RNF125: variants seen among roughly 807,000 people sequenced by gnomAD.
RNF125 encodes E3 ubiquitin-protein ligase RNF125.
A neutral mutation model predicts 26.0 loss-of-function variants in RNF125; 21 were observed. The observed-to-expected ratio is 0.81, with a 90% CI of 0.57 to 1.16. The LOEUF is 1.16. RNF125 is among the 50% of genes most tolerant of loss of function. RNF125 has a pLI of 0.00. For missense variants in RNF125, 270 were observed against 299.4 expected (o/e 0.90, Z 0.72); for synonymous variants, 95 against 109.2 (o/e 0.87, Z 0.81).
At chr18:32,067,725 A>T (rs1221552691) in intron 5 of RNF125, among the ~76,000 whole-genome samples, 1 of 152,138 alleles carries the variant, frequency 6.6e-6, no homozygotes, top group Non-Finnish European at 1.5e-5. Context: ...TTTATATTGC[A>T]GAATGGACTT....
At chr18:32,087,935 C>T in the RNF125 span, among the ~76,000 whole-genome samples, 1 of 152,148 alleles carries the variant, frequency 6.6e-6, no homozygotes, top group Non-Finnish European at 1.5e-5. Context: ...TGCTGCTGCC[C>T]AAGACCACAC....
At chr18:32,080,387 C>T in the RNF125 span, among the ~76,000 whole-genome samples, 2 of 152,200 alleles carry the variant, frequency 1.3e-5, no homozygotes, top group African/African-American at 4.8e-5. Context: ...TTGAAACACT[C>T]TTACTAATGT....
chr18:32,040,600 C>T (rs2039207574), intron 2 of RNF125, among the ~76,000 whole-genome samples: 1 of 152,150 alleles, frequency 6.6e-6, no homozygotes, highest in Non-Finnish European at 1.5e-5. Context: ...ATCTACTTGT[C>T]TAACATCCTT....
downstream of RNF125, among the ~76,000 whole-genome samples, chr18:32,073,808 A>G (rs1484779535): frequency 6.6e-6 from 1 of 152,250 alleles, no homozygotes; most frequent in Non-Finnish European, 1.5e-5. Flanking sequence ...GAGGGAACCC[A>G]GATCAGTTGA....
At chr18:32,074,715 G>C (rs995207839), downstream of RNF125, among the ~76,000 whole-genome samples, 1 of 152,028 alleles carries the variant, frequency 6.6e-6, no homozygotes, top group Admixed American at 6.6e-5. Flanking sequence ...GCTAATTTTT[G>C]TATTTTTAGT....
chr18:32,039,777 CTT>C (rs1337442183), intron 2 of RNF125, among the ~76,000 whole-genome samples: 7 of 123,386 alleles, frequency 5.7e-5, no homozygotes, highest in African/African-American at 6.3e-5. Flanking sequence ...CTTTGAGATA[CTT>C]TTTTTTTTTT....
chr18:32,060,084 T>G (rs2039420794), intron 4 of RNF125, among the ~76,000 whole-genome samples: 1 of 152,220 alleles, frequency 6.6e-6, no homozygotes, highest in African/African-American at 2.4e-5. Context: ...ATTTTTGGCT[T>G]TATGGTTTCT....
At chr18:32,078,347 AAAG>A in the RNF125 span, among the ~76,000 whole-genome samples, 1 of 152,244 alleles carries the variant, frequency 6.6e-6, no homozygotes, top group African/African-American at 2.4e-5. Context: ...AATGACAAAA[AAAG>A]GAGTGGGACG....
the RNF125 span, among the ~76,000 whole-genome samples, chr18:32,080,880 A>G: frequency 6.6e-6 from 1 of 152,146 alleles, no homozygotes; most frequent in Non-Finnish European, 1.5e-5. Flanking sequence ...CGTCTCAAAA[A>G]GGCAAAAAAA....
intron 4 of RNF125, among the ~76,000 whole-genome samples, chr18:32,057,680 C>A (rs2039398892): frequency 6.6e-6 from 1 of 152,028 alleles, no homozygotes; most frequent in Non-Finnish European, 1.5e-5. Context: ...GAAAGGTGTT[C>A]TCCATTACAG....
chr18:32,077,334 A>ATTTTTTTTTTTTTTTTTTTTTTTTTTTTT (rs552701343), downstream of RNF125, among the ~76,000 whole-genome samples: 1 of 107,880 alleles, frequency 9.3e-6, no homozygotes, highest in Non-Finnish European at 1.8e-5. Flanking sequence ...CCCTCTCCCC[A>ATTTTTTTTTTTTTTTTTTTTTTTTTTTTT]TTTTTTTTTT....
At position 32,018,929 on chromosome 18, in the gene RNF125, G is replaced by A; in HGVS notation, c.66G>A (p.Leu22=). The change falls in exon 1 of 6, where the codon CTG becomes CTA. Residue 22 remains leucine (L), a synonymous_variant. Coordinates refer to ENST00000217740, the MANE Select transcript of RNF125 (RefSeq NM_017831.4). ...CCGCCTCTGCCACCGCGCGGGCCCT[G>A]GAGCGCAGGAGGGACCCGGAGTTGC... is the stretch of plus-strand genomic sequence containing the variant. ...SAPASATARA[L]ERRRDPELPV... is the part of the protein sequence containing the mutation. 1 of 1,612,506 alleles carries A rather than the reference G, an allele frequency of 6.2e-7. No individual in the cohort carries two copies. Among genetic ancestry groups the A allele is most frequent in the Non-Finnish European group, 8.5e-7 (1 of 1,179,396 alleles).
intron 1 of RNF125, among the ~76,000 whole-genome samples, chr18:32,033,141 C>T (rs2144452256): frequency 6.6e-6 from 1 of 152,234 alleles, no homozygotes; most frequent in East Asian, 1.9e-4. Flanking sequence ...GGGCCAGTCC[C>T]CAACAGGTGT....
downstream of RNF125, chr18:32,075,815 TTTTC>T: frequency 1.6e-6 from 1 of 636,126 alleles, no homozygotes; most frequent in South Asian, 1.7e-5. Flanking sequence ...GCCTCCATTG[TTTTC>T]TTTGTTGTTG....
At chr18:32,041,497 GCT>G (rs1274368350) in intron 2 of RNF125, among the ~76,000 whole-genome samples, 1 of 150,680 alleles carries the variant, frequency 6.6e-6, no homozygotes, top group Non-Finnish European at 1.5e-5. Context: ...TCTCTCTTGT[GCT>G]CTTTTTCTTC....
At chr18:32,046,473 T>C (rs2039272782) in intron 4 of RNF125, among the ~76,000 whole-genome samples, 1 of 151,206 alleles carries the variant, frequency 6.6e-6, no homozygotes, top group Non-Finnish European at 1.5e-5. Flanking sequence ...GGTGGGCGCC[T>C]GTAGTCCCAG....
intron 2 of RNF125, 191 bp from the exon 3 acceptor site, chr18:32,041,988 C>T (rs336276): frequency 0.69 from 383,852 of 555,574 alleles, 134,197 homozygotes; most frequent in African/African-American, 0.75. Flanking sequence ...TTCTAAGTAT[C>T]GGAGAATTTG....
In RNF125 at chr18:32,065,924, T is replaced by A. The variant is rs766386251; in HGVS notation, c.527T>A (p.Ile176Lys). The change falls in exon 5 of 6, where the codon ATA becomes AAA. Residue 176 changes from isoleucine (I) to lysine (K), a missense_variant. Physicochemically the swap from Ile to Lys is moderately radical, Grantham distance 102 (BLOSUM62 -3). Transcript: ENST00000217740. ...RPVFCPLCRL[I>K]PDENPSSFSG... Reference sequence around the variant, plus strand: ...CAGTTCTGTCCACTTTGCCGTTTAATACCCGATGAGAATCCAAGCAGCTTC... The same window carrying A: ...CAGTTCTGTCCACTTTGCCGTTTAAAACCCGATGAGAATCCAAGCAGCTTC... 2 of 1,613,436 alleles carry A rather than the reference T, an allele frequency of 1.2e-6. No individual in the cohort carries two copies. The highest frequency in any genetic ancestry group is 1.7e-6 in the Non-Finnish European group (2 of 1,179,360).
intron 2 of RNF125, among the ~76,000 whole-genome samples, chr18:32,040,269 CTTTTTTTTTTT>C (rs1185186501): frequency 9.6e-6 from 1 of 104,490 alleles, no homozygotes; most frequent in Non-Finnish European, 1.8e-5. Flanking sequence ...CAATTTCTTT[CTTTTTTTTTTT>C]TTTTTTTTTG....
Sources: gnomAD v4.1 joint callset for allele counts (sites outside exome capture counted in the v4.1 genomes callset) on GRCh38, gnomAD v4.1.1 for gene constraint, MANE v1.5 for transcripts, NCBI Gene and HGNC (gene_info 2026-07-23, HGNC 2026-07-21) for gene names.